Variants in HIPK3 observed in about 807,000 individuals in gnomAD.
HIPK3 encodes homeodomain interacting protein kinase 3.
HIPK3 carries 47 observed loss-of-function variants against 124.2 expected under a neutral mutation model. That is an observed-to-expected ratio of 0.38 (90% CI 0.30 to 0.48). HIPK3 has a LOEUF of 0.48. Ranked by LOEUF, HIPK3 falls within the 20% of genes least tolerant of loss-of-function variation. HIPK3 has a pLI of 0.98. For missense variants in HIPK3, 1,286 were observed against 1,454.3 expected (o/e 0.88, Z 1.88); for synonymous variants, 482 against 515.2 (o/e 0.94, Z 0.87).
chr11:33,258,843 C>T (rs1427303890), intron 1 of HIPK3, among the ~76,000 whole-genome samples: 1 of 152,052 alleles, frequency 6.6e-6, no homozygotes, highest in Non-Finnish European at 1.5e-5. Context: ...TCTTACTGCC[C>T]TGTTAGGGAA....
chr11:33,298,659 C>A (rs1431261968), intron 2 of HIPK3, among the ~76,000 whole-genome samples: 1 of 152,204 alleles, frequency 6.6e-6, no homozygotes, highest in African/African-American at 2.4e-5. Flanking sequence ...GAAGTTGATT[C>A]CAACCCTCAT....
intron 2 of HIPK3, among the ~76,000 whole-genome samples, chr11:33,300,207 G>A (rs1378263633): frequency 1.3e-5 from 2 of 151,588 alleles, no homozygotes; most frequent in Admixed American, 6.6e-5. Flanking sequence ...TTAGCTGGGC[G>A]TGATGGCAGG....
chr11:33,318,094 A>C (rs1590395655), intron 2 of HIPK3, among the ~76,000 whole-genome samples: 1 of 152,216 alleles, frequency 6.6e-6, no homozygotes, highest in African/African-American at 2.4e-5. Flanking sequence ...TAAATATGTT[A>C]TATTTTACAT....
At position 33,356,954 on chromosome 11, in the gene HIPK3, T is replaced by C. The variant is rs925222363; in HGVS notation, c.*3386T>C. The C allele has an allele frequency of 2.0e-5, 3 of 152,098 alleles. No homozygotes were observed. Among genetic ancestry groups the C allele is most frequent in the Admixed American group, 6.6e-5 (1 of 15,256 alleles). 9.4% of individuals were successfully genotyped at this position (152,098 alleles called of 1,614,324 possible). A position where few individuals can be genotyped will look rare whatever the true frequency, so the allele number is the denominator to read the frequency against. ...TTTTCCAGGTGACTATTTTGGTGAGTGTCAAAATAAGAATTTATGGTGTAT... is the reference window on the plus strand; with the variant it reads ...TTTTCCAGGTGACTATTTTGGTGAGCGTCAAAATAAGAATTTATGGTGTAT... On this transcript the variant is annotated 3_prime_UTR_variant, in exon 17 of 17. Transcript: ENST00000303296.
At chr11:33,297,985 C>T (rs933411494) in intron 2 of HIPK3, among the ~76,000 whole-genome samples, 1 of 151,932 alleles carries the variant, frequency 6.6e-6, no homozygotes, top group Non-Finnish European at 1.5e-5. Flanking sequence ...GACAGGGTTT[C>T]ACCATGTTGG....
intron 2 of HIPK3, among the ~76,000 whole-genome samples, chr11:33,310,700 G>T (rs558785031): frequency 5.3e-5 from 8 of 152,314 alleles, no homozygotes; most frequent in African/African-American, 1.9e-4. Context: ...ATAGCTACAT[G>T]TGCAGATAGA....
At chr11:33,273,512 C>CA (rs398015727) in intron 1 of HIPK3, among the ~76,000 whole-genome samples, 15,671 of 47,826 alleles carry the variant, frequency 0.33, 5,527 homozygotes, top group Middle Eastern at 0.53. Flanking sequence ...TCTGTCTCCA[C>CA]AAAAAAAAAA....
In HIPK3 at chr11:33,348,163, C is replaced by CA. The variant is rs768289904; in HGVS notation, c.2307-2dup. On this transcript the variant is annotated splice_region_variant and splice_polypyrimidine_tract_variant and intron_variant, in intron 11 of 16. Transcript: ENST00000303296. ...TAAGCCAGCTCCCTTCTCAATTTCT[C>CA]AGAGGTATTTTGGTAAAACTAATGG... 704 of 1,613,530 alleles carry CA rather than the reference C, an allele frequency of 4.4e-4. No homozygotes were observed. Among genetic ancestry groups the CA allele is most frequent in the Non-Finnish European group, 5.4e-4 (638 of 1,179,738 alleles).
In HIPK3 at chr11:33,353,663, T is replaced by C; in HGVS notation, c.*95T>C. ...TAGCCATGGCACAAGAAAATTATTT[T>C]TGAATCATGTAGACTTGGGTGCAAT... On this transcript the variant is annotated 3_prime_UTR_variant, in exon 17 of 17. Coordinates refer to ENST00000303296, the MANE Select transcript of HIPK3 (RefSeq NM_005734.5). 1 of 870,386 alleles carries C rather than the reference T, an allele frequency of 1.1e-6. No homozygotes were observed. The highest frequency in any genetic ancestry group is 1.7e-5 in the South Asian group (1 of 59,532). The allele number at this position is 870,386 out of a possible 1,614,324, so 53.9% of individuals were successfully genotyped here.
At chr11:33,328,713 T>G in intron 3 of HIPK3, 80 bp downstream of exon 3, 2 of 1,270,202 alleles carry the variant, frequency 1.6e-6, no homozygotes, top group South Asian at 2.8e-5. Context: ...TGGCTGCAGG[T>G]GTACAATACA....
intron 14 of HIPK3, among the ~76,000 whole-genome samples, chr11:33,349,543 G>T (rs1162178046): frequency 6.6e-6 from 1 of 152,130 alleles, no homozygotes; most frequent in African/African-American, 2.4e-5. Flanking sequence ...CTGCCTCCCA[G>T]GCTCAAGCAA....
chr11:33,314,930 G>T (rs1031530828), intron 2 of HIPK3, among the ~76,000 whole-genome samples: 1 of 152,024 alleles, frequency 6.6e-6, no homozygotes, highest in African/African-American at 2.4e-5. Flanking sequence ...CTAATCACCT[G>T]TAAAATCAGG....
At chr11:33,268,754 A>G (rs965227963) in intron 1 of HIPK3, among the ~76,000 whole-genome samples, 5 of 152,050 alleles carry the variant, frequency 3.3e-5, no homozygotes, top group Admixed American at 3.3e-4. Context: ...TTCTGAAACT[A>G]TTTCTAGTGG....
Position 33,347,490 on chromosome 11 carries a change from T to G in HIPK3, c.2019+76T>G. 3.1e-6 allele frequency: 5 copies of G among 1,594,474 alleles called. No individual in the cohort carries two copies. In the South Asian group the frequency reaches 5.6e-5, roughly 18 times the overall value. On this transcript the variant is annotated intron_variant, in intron 9 of 16. Coordinates refer to ENST00000303296, the MANE Select transcript of HIPK3 (RefSeq NM_005734.5). ...TAGTGAAAATGACCTGGATAGGGATTTAATCCATTTTGTAGGTTATGGACT... is the reference window on the plus strand; with the variant it reads ...TAGTGAAAATGACCTGGATAGGGATGTAATCCATTTTGTAGGTTATGGACT...
intron 1 of HIPK3, among the ~76,000 whole-genome samples, chr11:33,264,369 A>C (rs943692093): frequency 2.0e-5 from 3 of 152,170 alleles, no homozygotes; most frequent in African/African-American, 7.2e-5. Flanking sequence ...TTTATGCTGG[A>C]ACACCTTTTC....
chr11:33,325,145 A>G (rs80071157), intron 2 of HIPK3, among the ~76,000 whole-genome samples: 1 of 152,358 alleles, frequency 6.6e-6, no homozygotes, highest in East Asian at 1.9e-4. Context: ...ACCATCAGTT[A>G]GAAACTTGAC....
intron 3 of HIPK3, chr11:33,335,788 T>G (rs1280006372): frequency 6.6e-6 from 1 of 152,114 alleles, no homozygotes; most frequent in Non-Finnish European, 1.5e-5. Flanking sequence ...ATCTTTGCAC[T>G]TATTCTCAAA....
chr11:33,283,962 A>T (rs1478453579), intron 1 of HIPK3, among the ~76,000 whole-genome samples: 1 of 152,192 alleles, frequency 6.6e-6, no homozygotes, highest in Non-Finnish European at 1.5e-5. Flanking sequence ...GGCATGAGCC[A>T]CCGTGCCTGG....
intron 7 of HIPK3, 53 bp from the exon 8 acceptor site, chr11:33,341,510 G>T: frequency 6.8e-7 from 1 of 1,480,580 alleles, no homozygotes; most frequent in Non-Finnish European, 9.1e-7. Flanking sequence ...TATTTATACA[G>T]CGTGTATATT....
Sources: allele counts gnomAD v4.1 joint callset (sites outside exome capture counted in the v4.1 genomes callset), GRCh38; gene constraint gnomAD v4.1.1; transcripts MANE v1.5; gene names NCBI Gene and HGNC (gene_info 2026-07-23, HGNC 2026-07-21).